The following MROH2B variants were observed in gnomAD, a reference collection of about 807,000 sequenced individuals.
MROH2B encodes maestro heat like repeat family member 2B, also known as maestro heat-like repeat-containing protein family member 2B.
In MROH2B, 177 loss-of-function variants were observed where a neutral mutation model predicts 208.6. The observed-to-expected ratio is 0.85, with a 90% CI of 0.75 to 0.96. The LOEUF (loss-of-function observed/expected upper bound fraction) is 0.96. Among genes scored for constraint, MROH2B ranks in the 40% least tolerant of loss-of-function variants. MROH2B has a pLI of 0.00. For synonymous variants in MROH2B, 728 were observed against 659.0 expected (o/e 1.10, Z -1.60); for missense variants, 2,002 against 1,878.7 (o/e 1.07, Z -1.21).
chr5:41,018,715 T>C lies in MROH2B; in HGVS notation c.2649A>G (p.Ala883=), dbSNP rs1742040612. The C allele has an allele frequency of 1.2e-6, 2 of 1,613,982 alleles. No individual in the cohort carries two copies. The highest frequency in any genetic ancestry group is 1.7e-6 in the Non-Finnish European group (2 of 1,179,878). Residue 883 remains alanine, a synonymous_variant, in exon 26 of 42, where the codon GCA becomes GCG. Coordinates refer to ENST00000399564, the MANE Select transcript of MROH2B (RefSeq NM_173489.5). ...LKTMMWDNVN[A]EDCQEMFNLL... ...CATTAAACATTTCTTGACAGTCCTC[T>C]GCATTCACATTATCCCACATCATGG...
At chr5:41,029,623 C>G (rs1201896326) in intron 24 of MROH2B, among the ~76,000 whole-genome samples, 1 of 152,112 alleles carries the variant, frequency 6.6e-6, no homozygotes, top group Non-Finnish European at 1.5e-5. Flanking sequence ...CTAAAATCAA[C>G]TCACAATGGA....
In MROH2B at chr5:41,053,163, GT is replaced by G. The variant is rs572525885; in HGVS notation, c.1108-577del. Among the ~76,000 whole-genome samples, 82 of 152,210 alleles carry G rather than the reference GT, an allele frequency of 5.4e-4. 1 individual carries two copies. Among genetic ancestry groups the G allele is most frequent in the African/African-American group, 1.9e-3 (81 of 41,554 alleles). On this transcript the variant is annotated intron_variant, in intron 11 of 41. Transcript: ENST00000399564. ...ACTCAATGAAAGATAACAGACAACT[GT>G]TTATTCACAATTTCAGAGTCCAAAC... is the stretch of plus-strand genomic sequence containing the variant.
At chr5:41,067,256 G>A (rs1743840437) in intron 2 of MROH2B, 38 bp from the exon 3 acceptor site, 1 of 1,252,042 alleles carries the variant, frequency 8.0e-7, no homozygotes, top group Non-Finnish European at 1.1e-6. Flanking sequence ...AATTTGGCTT[G>A]CAAAAATAAA....
intron 37 of MROH2B, among the ~76,000 whole-genome samples, chr5:41,003,269 A>G (rs1039132111): frequency 6.6e-6 from 1 of 152,010 alleles, no homozygotes; most frequent in Non-Finnish European, 1.5e-5. Context: ...CCTAAAAGTG[A>G]TATTGGTTAA....
intron 24 of MROH2B, among the ~76,000 whole-genome samples, chr5:41,021,823 C>T (rs1431767680): frequency 6.6e-6 from 1 of 151,984 alleles, no homozygotes. Context: ...GTGCAGTAAG[C>T]CGAGATTGTG....
At chr5:41,008,965 G>A (rs57467828) in intron 32 of MROH2B, among the ~76,000 whole-genome samples, 172 bp from the exon 33 acceptor site, 72,251 of 152,054 alleles carry the variant, frequency 0.48, 17,292 homozygotes, top group African/African-American at 0.51. Flanking sequence ...TCCTGTGACT[G>A]CCAGGGGACA....
intron 39 of MROH2B, 134 bp downstream of exon 39, chr5:41,000,086 C>T: frequency 1.7e-6 from 2 of 1,183,986 alleles, no homozygotes. Flanking sequence ...CCTGTGAAAT[C>T]AGGATATCAC....
Position 41,050,999 on chromosome 5 carries a change from G to GA in MROH2B, c.1321_1322insT (p.Pro441LeufsTer32). ...TACCTGAGGCATTCCAATGACCAGT[G>GA]GGTCCAGGGTTTTTAAGACCTCAAG... On this transcript the variant is annotated frameshift_variant, in exon 13 of 42. Coordinates refer to ENST00000399564, the MANE Select transcript of MROH2B (RefSeq NM_173489.5). LOFTEE classifies it high-confidence loss of function. The GA allele has an allele frequency of 6.4e-7, 1 of 1,570,070 alleles. No homozygotes were observed. Among genetic ancestry groups the GA allele is most frequent in the Admixed American group, 2.0e-5 (1 of 51,150 alleles).
At chr5:41,052,390 T>G in intron 12 of MROH2B, 75 bp downstream of exon 12, 13 of 1,384,268 alleles carry the variant, frequency 9.4e-6, no homozygotes, top group African/African-American at 1.5e-5. Flanking sequence ...ATCCTAATCA[T>G]TTTTTAAAAA....
At chr5:41,019,375 T>A (rs769936881) in intron 24 of MROH2B, among the ~76,000 whole-genome samples, 1 of 151,958 alleles carries the variant, frequency 6.6e-6, no homozygotes, top group Non-Finnish European at 1.5e-5. Flanking sequence ...AGAGAGAGAA[T>A]GATAGAGAGA....
At chr5:41,006,301 G>C (rs920126559) in intron 34 of MROH2B, among the ~76,000 whole-genome samples, 1 of 151,960 alleles carries the variant, frequency 6.6e-6, no homozygotes, top group African/African-American at 2.4e-5. Context: ...CCTCACTCCT[G>C]CAAGAATGAC....
intron 24 of MROH2B, among the ~76,000 whole-genome samples, chr5:41,023,459 T>C (rs185905062): frequency 1.3e-5 from 2 of 152,184 alleles, no homozygotes; most frequent in East Asian, 3.9e-4. Flanking sequence ...AAGATCAAAT[T>C]AATGAAATGA....
Position 41,042,207 on chromosome 5 carries a change from T to G in MROH2B, c.1838A>C (p.Lys613Thr), listed in dbSNP as rs1181971014. The change falls in exon 19 of 42, where the codon AAA becomes ACA. Residue 613 changes from lysine (K) to threonine (T), a missense_variant and splice_region_variant. Transcript: ENST00000399564. The stretch of plus-strand genomic sequence containing the variant: ...GGTTCCCAAGGCTTTCCAAAGGAAT[T>G]TCTGGAAAACAAAAGATAAGCAACA... Reference protein sequence around the residue: ...GSYSNNSTEKKFLWKALGTTL... With the variant: ...GSYSNNSTEKTFLWKALGTTL... The G allele has an allele frequency of 6.5e-7, 1 of 1,543,198 alleles. No homozygotes were observed. Among genetic ancestry groups the G allele is most frequent in the Non-Finnish European group, 8.8e-7 (1 of 1,133,540 alleles).
chr5:41,057,964 C>G, intron 7 of MROH2B, 99 bp downstream of exon 7: 4 of 1,180,046 alleles, frequency 3.4e-6, no homozygotes, highest in Non-Finnish European at 4.5e-6. Context: ...GCTGCCCAAA[C>G]AGGAGTTTAA....
At chr5:41,014,103 T>C (rs1349664038) in intron 29 of MROH2B, among the ~76,000 whole-genome samples, 1 of 152,204 alleles carries the variant, frequency 6.6e-6, no homozygotes, top group Non-Finnish European at 1.5e-5. Context: ...GTCCTCAAGA[T>C]ATTTCACTTC....
chr5:41,054,855 G>C lies in MROH2B; in HGVS notation c.1034-15C>G, dbSNP rs1229101194. 1.3e-6 allele frequency: 2 copies of C among 1,576,310 alleles called. No individual in the cohort carries two copies. Among genetic ancestry groups the C allele is most frequent in the East Asian group, 2.2e-5 (1 of 44,498 alleles). ...CAACCTGGGCTCTGAAAGACAGAGG[G>C]AGAAATTGAGAGGCCTGACTCAATA... is the stretch of plus-strand genomic sequence containing the variant. On this transcript the variant is annotated splice_polypyrimidine_tract_variant and intron_variant, in intron 10 of 41. Transcript: ENST00000399564.
chr5:41,017,758 G>A, intron 28 of MROH2B, 92 bp downstream of exon 28: 1 of 1,381,170 alleles, frequency 7.2e-7, no homozygotes, highest in East Asian at 2.7e-5. Flanking sequence ...AGGGGAGGAG[G>A]GAGAGAGACA....
chr5:41,037,770 A>G (rs1719115814), intron 21 of MROH2B, among the ~76,000 whole-genome samples: 1 of 152,168 alleles, frequency 6.6e-6, no homozygotes, highest in Admixed American at 6.5e-5. Context: ...ATCACTTGAA[A>G]GTTTTAAGCA....
chr5:41,010,121 T>G, intron 30 of MROH2B, 42 bp from the exon 31 acceptor site: 1 of 1,599,998 alleles, frequency 6.3e-7, no homozygotes, highest in Non-Finnish European at 8.5e-7. Context: ...GTTGCCATTT[T>G]CCCTCTATGT....
Sources: allele counts gnomAD v4.1 joint callset (sites outside exome capture counted in the v4.1 genomes callset), GRCh38; gene constraint gnomAD v4.1.1; transcripts MANE v1.5; gene names NCBI Gene and HGNC (gene_info 2026-07-23, HGNC 2026-07-21).